Variants in NAP1L4 observed in about 807,000 individuals in gnomAD.
The protein encoded by NAP1L4 is nucleosome assembly protein 1 like 4, also known as nucleosome assembly protein 1-like 4.
NAP1L4 carries 15 observed loss-of-function variants against 58.2 expected under a neutral mutation model. The observed-to-expected ratio is 0.26, with a 90% CI of 0.17 to 0.40. The LOEUF is 0.40. Ranked by LOEUF, NAP1L4 falls within the 10% of genes least tolerant of loss-of-function variation. The probability of loss-of-function intolerance (pLI) is 1.00; values close to 1 mark genes in which losing one functional copy is unlikely to be tolerated. For synonymous variants in NAP1L4, 171 were observed against 155.6 expected, an observed-to-expected ratio of 1.10 and a Z score of -0.74; for missense variants, 384 against 451.1, an observed-to-expected ratio of 0.85 and a Z score of 1.35.
intron 8 of NAP1L4, among the ~76,000 whole-genome samples, chr11:2,962,880 T>C (rs1172420597): frequency 6.6e-6 from 1 of 151,792 alleles, no homozygotes; most frequent in African/African-American, 2.4e-5. Flanking sequence ...GGCGGGTGGA[T>C]CACGAGGTCA....
chr11:2,977,540 T>A (rs1173644008), intron 3 of NAP1L4, among the ~76,000 whole-genome samples: 1 of 152,158 alleles, frequency 6.6e-6, no homozygotes, highest in Non-Finnish European at 1.5e-5. Context: ...GGGAGATGAC[T>A]CTAGAACAAA....
chr11:2,983,013 C>G (rs1308927811), intron 1 of NAP1L4, among the ~76,000 whole-genome samples: 1 of 151,854 alleles, frequency 6.6e-6, no homozygotes, highest in Non-Finnish European at 1.5e-5. Context: ...CAGCAAGACT[C>G]CATCTCAAAA....
At chr11:2,968,967 G>GTTGGGTT (rs1259435822) in intron 7 of NAP1L4, among the ~76,000 whole-genome samples, 1 of 121,090 alleles carries the variant, frequency 8.3e-6, no homozygotes, top group Non-Finnish European at 1.8e-5. Flanking sequence ...AGAAATGGTG[G>GTTGGGTT]TTGGGTTTTG....
intron 1 of NAP1L4, among the ~76,000 whole-genome samples, chr11:2,989,594 C>T (rs7945430): frequency 0.29 from 43,490 of 152,092 alleles, 7,046 homozygotes; most frequent in African/African-American, 0.44. Flanking sequence ...TATATACATA[C>T]ATATTTGAGG....
chr11:2,992,149 T>C (rs1849016258), intron 1 of NAP1L4, 105 bp downstream of exon 1: 2 of 151,130 alleles, frequency 1.3e-5, no homozygotes, highest in East Asian at 2.0e-4. Flanking sequence ...CTTCCAGAGA[T>C]GGCCGCCGCC....
At chr11:2,969,773 A>C in intron 7 of NAP1L4, 30 bp downstream of exon 7, 1 of 1,585,704 alleles carries the variant, frequency 6.3e-7, no homozygotes, top group Non-Finnish European at 8.6e-7. Context: ...ACTAGCACAT[A>C]ATCTCTCTAC....
chr11:2,985,874 AAAAAT>A (rs745419338), intron 1 of NAP1L4, among the ~76,000 whole-genome samples: 21 of 152,312 alleles, frequency 1.4e-4, no homozygotes, highest in East Asian at 1.9e-4. Flanking sequence ...TGGGTCGAGG[AAAAAT>A]AAAATAAAAT....
intron 10 of NAP1L4, among the ~76,000 whole-genome samples, chr11:2,957,097 A>T (rs1846590410): frequency 6.6e-6 from 1 of 152,112 alleles, no homozygotes; most frequent in Non-Finnish European, 1.5e-5. Context: ...ACACTTAAAA[A>T]TTCCCTTGAG....
intron 6 of NAP1L4, among the ~76,000 whole-genome samples, chr11:2,970,433 A>G (rs879585545): frequency 1.2e-4 from 18 of 152,178 alleles, no homozygotes; most frequent in Non-Finnish European, 2.5e-4. Context: ...ATAAAAAAAA[A>G]AAAAATTGCC....
At position 2,964,734 on chromosome 11, in the gene NAP1L4, G is replaced by A. The variant is rs987928537; in HGVS notation, c.552C>T (p.Ile184=). Residue 184 remains isoleucine, a synonymous_variant, in exon 8 of 16, where the codon ATC becomes ATT. Transcript: ENST00000380542. Reference sequence around the variant, plus strand: ...CTTTAATATCCTGCAGGTGTTTCAAGATTGGTTCATCATATTCCTAATCAA... The same window carrying A: ...CTTTAATATCCTGCAGGTGTTTCAAAATTGGTTCATCATATTCCTAATCAA... ...SELVQEYDEP[I]LKHLQDIKVK... 2 of 1,613,644 alleles carry A rather than the reference G, an allele frequency of 1.2e-6. No individual in the cohort carries two copies. The highest frequency in any genetic ancestry group is 2.2e-5 in the South Asian group (2 of 91,052).
At chr11:2,968,350 C>T (rs1344907818) in intron 7 of NAP1L4, among the ~76,000 whole-genome samples, 2 of 152,156 alleles carry the variant, frequency 1.3e-5, no homozygotes. Context: ...GACTACGGCT[C>T]TGGTAGACAT....
At chr11:2,986,683 G>A (rs971842524) in intron 1 of NAP1L4, among the ~76,000 whole-genome samples, 1 of 148,272 alleles carries the variant, frequency 6.7e-6, no homozygotes, top group African/African-American at 2.5e-5. Context: ...CTGGCGTGCA[G>A]TGGCGCGATC....
chr11:2,974,149 AC>A (rs1847816361), intron 4 of NAP1L4, among the ~76,000 whole-genome samples: 1 of 152,038 alleles, frequency 6.6e-6, no homozygotes, highest in Non-Finnish European at 1.5e-5. Flanking sequence ...TTTTAATTAT[AC>A]TTTAAGTTTT....
chr11:2,971,374 T>TA lies in NAP1L4; in HGVS notation c.402+73dup. 7.4e-7 allele frequency: 1 copy of TA among 1,355,064 alleles called. No homozygotes were observed. The highest frequency in any genetic ancestry group is 1.2e-5 in the South Asian group (1 of 81,230). 83.9% of individuals were successfully genotyped at this position (1,355,064 alleles called of 1,614,324 possible). ...AGAAGCACATAAGTTTACTAGTCATTAAAAATCATTAAAAAATGCTTATTT... is the reference window on the plus strand; with the variant it reads ...AGAAGCACATAAGTTTACTAGTCATTAAAAAATCATTAAAAAATGCTTATTT... On this transcript the variant is annotated intron_variant, in intron 6 of 15. Transcript: ENST00000380542. The surrounding 1 kb of genome is among the most constrained non-coding windows in gnomAD (Gnocchi z 4.2).
intron 10 of NAP1L4, among the ~76,000 whole-genome samples, chr11:2,956,422 C>T (rs1846542724): frequency 6.6e-6 from 1 of 152,138 alleles, no homozygotes; most frequent in Non-Finnish European, 1.5e-5. Context: ...ATTTTAGAAA[C>T]ATTTACTACA....
In NAP1L4 at chr11:2,958,382, A is replaced by C. The variant is rs866507146; in HGVS notation, c.892+17T>G. 1.1e-5 allele frequency: 18 copies of C among 1,613,258 alleles called. No homozygotes were observed. The highest frequency in any genetic ancestry group is 1.5e-5 in the Non-Finnish European group (18 of 1,179,446). ...TTATATAAGAACATAATGAATATTAACAACCAACAGACTTGCCTTTCAATG... is the reference window on the plus strand; with the variant it reads ...TTATATAAGAACATAATGAATATTACCAACCAACAGACTTGCCTTTCAATG... On this transcript the variant is annotated intron_variant, in intron 10 of 15. Transcript: ENST00000380542.
Position 2,976,135 on chromosome 11 carries a change from T to TAAG in NAP1L4, c.74-15_74-13dup. The TAAG allele has an allele frequency of 6.2e-7, 1 of 1,603,890 alleles. No homozygotes were observed. The highest frequency in any genetic ancestry group is 8.5e-7 in the Non-Finnish European group (1 of 1,174,380). On this transcript the variant is annotated splice_polypyrimidine_tract_variant and intron_variant, in intron 3 of 15. Transcript: ENST00000380542. ...ATCTGTGAGCTTTTCTATGAAGAGT[T>TAAG]AAGACCAAACATATTTAAAATATGC...
rs559399055 is a variant in NAP1L4, at chr11:2,981,355, C to G, written c.-17-2118G>C. 2.7e-3 allele frequency among the ~76,000 whole-genome samples: 380 copies of G among 139,448 alleles called. 1 individual carries two copies. The highest frequency in any genetic ancestry group is 9.6e-3 in the African/African-American group (364 of 37,830). The allele number at this position is 139,448 out of a possible 152,430, so 91.5% of individuals were successfully genotyped here. A position where few individuals can be genotyped will look rare whatever the true frequency, so the allele number is the denominator to read the frequency against. On this transcript the variant is annotated intron_variant, in intron 1 of 15. Transcript: ENST00000380542. Reference sequence around the variant, plus strand: ...AGCCCAGGAGTTGGAGGCCTGGCGGCTGCAGTGACCTATGACTGCGCCACT... The same window carrying G: ...AGCCCAGGAGTTGGAGGCCTGGCGGGTGCAGTGACCTATGACTGCGCCACT...
At chr11:2,991,335 AAAC>A (rs1468026533) in intron 1 of NAP1L4, 2 of 310,882 alleles carry the variant, frequency 6.4e-6, no homozygotes, top group East Asian at 1.6e-4. Context: ...GGAAAATTGA[AAAC>A]AACAAAGACT....
Sources: gnomAD v4.1 joint callset for allele counts (sites outside exome capture counted in the v4.1 genomes callset) on GRCh38, gnomAD v4.1.1 for gene constraint, Gnocchi (gnomAD v3.1) non-coding constraint, MANE v1.5 for transcripts, NCBI Gene and HGNC (gene_info 2026-07-23, HGNC 2026-07-21) for gene names.